The following MACROD2 variants were observed in gnomAD, a reference collection of about 807,000 sequenced individuals.
MACROD2 encodes the protein ADP-ribose glycohydrolase MACROD2.
In MACROD2, 36 loss-of-function variants were observed where a neutral mutation model predicts 70.4. That is an observed-to-expected ratio of 0.51 (90% CI 0.39 to 0.68). The LOEUF (loss-of-function observed/expected upper bound fraction) is 0.68. Ranked by LOEUF, MACROD2 falls within the 30% of genes least tolerant of loss-of-function variation. MACROD2 has a pLI of 0.00. For missense variants in MACROD2, 496 were observed against 538.4 expected, an observed-to-expected ratio of 0.92 and a Z score of 0.78; for synonymous variants, 172 against 178.8, an observed-to-expected ratio of 0.96 and a Z score of 0.30.
chr20:15,795,021 A>G (rs139398732), intron 8 of MACROD2, among the ~76,000 whole-genome samples: 260 of 152,198 alleles, frequency 1.7e-3, no homozygotes, highest in African/African-American at 6.0e-3. Flanking sequence ...TTGACGGAGC[A>G]TATCTTGTAT....
chr20:16,017,649 T>G (rs2066947158), intron 15 of MACROD2, among the ~76,000 whole-genome samples: 1 of 152,172 alleles, frequency 6.6e-6, no homozygotes, highest in African/African-American at 2.4e-5. Context: ...TTTGAGCCAT[T>G]TTGCTGGAGG....
At chr20:15,673,453 C>T (rs1449398741) in intron 8 of MACROD2, among the ~76,000 whole-genome samples, 1 of 152,138 alleles carries the variant, frequency 6.6e-6, no homozygotes, top group East Asian at 1.9e-4. Flanking sequence ...AGGTGGCTAA[C>T]TCATGTCAGA....
At chr20:15,077,939 G>A (rs935821388) in intron 5 of MACROD2, among the ~76,000 whole-genome samples, 1 of 152,062 alleles carries the variant, frequency 6.6e-6, no homozygotes, top group Non-Finnish European at 1.5e-5. Context: ...CTGGGGGAGG[G>A]GGAGGCATTC....
intron 5 of MACROD2, among the ~76,000 whole-genome samples, chr20:14,918,667 G>T (rs6135307): frequency 0.15 from 21,902 of 142,346 alleles, 1,903 homozygotes; most frequent in Non-Finnish European, 0.2. Context: ...TTCATTACCA[G>T]CTCCTGCTAA....
Position 15,467,116 on chromosome 20 carries a change from C to T in MACROD2, c.572-32658C>T, listed in dbSNP as rs183189128. Among the ~76,000 whole-genome samples, 387 of 152,330 alleles carry T rather than the reference C, an allele frequency of 2.5e-3. 3 individuals carry two copies. The highest frequency in any genetic ancestry group is 0.017 in the Middle Eastern group (5 of 294). On this transcript the variant is annotated intron_variant, in intron 7 of 17. Coordinates refer to ENST00000684519, the MANE Select transcript of MACROD2 (RefSeq NM_001351661.2). ...GAAGGCATTCTCTGGCTGCTGGAAC[C>T]TGCTCTGCTGAAGATCAGGCAAGTC...
intron 8 of MACROD2, among the ~76,000 whole-genome samples, chr20:15,844,188 A>G (rs140727649): frequency 6.6e-6 from 1 of 152,200 alleles, no homozygotes; most frequent in African/African-American, 2.4e-5. Context: ...GAATCAACTG[A>G]CTAGGACTGC....
chr20:14,977,297 ATTTTTTT>A (rs777982225), intron 5 of MACROD2, among the ~76,000 whole-genome samples: 69 of 130,012 alleles, frequency 5.3e-4, no homozygotes, highest in Admixed American at 4.6e-3. Flanking sequence ...TAACACCTTG[ATTTTTTT>A]TTTTTTTTTT....
chr20:15,968,628 T>C (rs2066178045), intron 13 of MACROD2, among the ~76,000 whole-genome samples: 1 of 151,646 alleles, frequency 6.6e-6, no homozygotes, highest in Admixed American at 6.6e-5. Flanking sequence ...TAAATATATG[T>C]CTTTAACTTT....
At chr20:14,891,980 T>A (rs1031620935) in intron 5 of MACROD2, among the ~76,000 whole-genome samples, 3 of 148,574 alleles carry the variant, frequency 2.0e-5, no homozygotes, top group Non-Finnish European at 4.5e-5. Context: ...ATGAAAAACT[T>A]TGACTATTCA....
chr20:15,906,788 T>G (rs898049244), intron 10 of MACROD2, among the ~76,000 whole-genome samples: 1 of 152,236 alleles, frequency 6.6e-6, no homozygotes, highest in Non-Finnish European at 1.5e-5. Flanking sequence ...ATGGCTGGAT[T>G]CAAGTGATGC....
At chr20:14,606,535 G>T (rs1169915105) in intron 4 of MACROD2, among the ~76,000 whole-genome samples, 1 of 152,110 alleles carries the variant, frequency 6.6e-6, no homozygotes, top group African/African-American at 2.4e-5. Flanking sequence ...TGAAAAGCAG[G>T]AGTTGCTGGG....
chr20:14,249,372 A>G (rs1292140491), intron 3 of MACROD2, among the ~76,000 whole-genome samples: 1 of 152,088 alleles, frequency 6.6e-6, no homozygotes, highest in Non-Finnish European at 1.5e-5. Context: ...GAATAGTAGC[A>G]TGAATCTCAG....
At chr20:15,637,688 C>T (rs2146766053) in intron 8 of MACROD2, among the ~76,000 whole-genome samples, 1 of 152,320 alleles carries the variant, frequency 6.6e-6, no homozygotes, top group African/African-American at 2.4e-5. Context: ...TAGGGATCAG[C>T]ACCTTCTGTG....
chr20:15,007,102 C>A (rs1057425444), intron 5 of MACROD2, among the ~76,000 whole-genome samples: 4 of 152,126 alleles, frequency 2.6e-5, no homozygotes, highest in African/African-American at 7.2e-5. Flanking sequence ...CAGTGGCTCA[C>A]TTCTGTAATC....
intron 2 of MACROD2, among the ~76,000 whole-genome samples, chr20:14,069,820 T>G (rs763062290): frequency 1.3e-5 from 2 of 151,540 alleles, no homozygotes; most frequent in Admixed American, 6.6e-5. Flanking sequence ...TGATTTACTT[T>G]GACCAATGGG....
chr20:14,947,030 G>T (rs2074438272), intron 5 of MACROD2, among the ~76,000 whole-genome samples: 1 of 152,140 alleles, frequency 6.6e-6, no homozygotes, highest in South Asian at 2.1e-4. Flanking sequence ...ATCCCTTCCA[G>T]ATGGCCGGAT....
intron 7 of MACROD2, among the ~76,000 whole-genome samples, chr20:15,489,850 C>A (rs995130688): frequency 3.3e-5 from 5 of 152,070 alleles, no homozygotes; most frequent in Non-Finnish European, 7.4e-5. Flanking sequence ...GTATACTGGT[C>A]CTGTCCCTTG....
At chr20:15,744,716 ACACACACACACAC>A in intron 8 of MACROD2, among the ~76,000 whole-genome samples, 1 of 151,906 alleles carries the variant, frequency 6.6e-6, no homozygotes, top group East Asian at 1.9e-4. Context: ...ACACACACAC[ACACACACACACAC>A]ACACACACTA....
At chr20:15,201,895 A>G (rs1298176995) in intron 5 of MACROD2, among the ~76,000 whole-genome samples, 2 of 152,318 alleles carry the variant, frequency 1.3e-5, no homozygotes, top group Admixed American at 6.5e-5. Context: ...GTTTAGGATT[A>G]TACATCACAT....
Sources: allele counts gnomAD v4.1 joint callset (sites outside exome capture counted in the v4.1 genomes callset), GRCh38; gene constraint gnomAD v4.1.1; transcripts MANE v1.5; gene names NCBI Gene and HGNC (gene_info 2026-07-23, HGNC 2026-07-21).